The following RALGAPA1 variants were observed in gnomAD, a reference collection of about 807,000 sequenced individuals.
RALGAPA1 encodes ral GTPase-activating protein subunit alpha-1.
In RALGAPA1, 52 loss-of-function variants were observed where a neutral mutation model predicts 269.6. That is an observed-to-expected ratio of 0.19 (90% CI 0.15 to 0.24). The LOEUF (loss-of-function observed/expected upper bound fraction) is 0.24, where lower values mean the gene tolerates loss of function less well. RALGAPA1 is among the 10% of genes least tolerant of loss of function. The probability of loss-of-function intolerance (pLI) is 1.00; values close to 1 mark genes in which losing one functional copy is unlikely to be tolerated. For missense variants in RALGAPA1, 1,917 were observed against 3,013.9 expected (o/e 0.64, Z 8.52); for synonymous variants, 817 against 1,008.3 (o/e 0.81, Z 3.60).
chr14:35,648,589 G>A (rs1260673873), intron 31 of RALGAPA1, among the ~76,000 whole-genome samples: 1 of 151,758 alleles, frequency 6.6e-6, no homozygotes, highest in East Asian at 1.9e-4. Flanking sequence ...CTGAGCTGAA[G>A]TGACCAGCTC....
chr14:35,625,440 G>A lies in RALGAPA1; in HGVS notation c.6858-8C>T, dbSNP rs2060935573. On this transcript the variant is annotated splice_region_variant and splice_polypyrimidine_tract_variant and intron_variant, in intron 34 of 41. Coordinates refer to ENST00000680220, the MANE Select transcript of RALGAPA1 (RefSeq NM_001346249.2). ...AGGAGATGAAAGCTCCTCCTAAATA[G>A]AGAGATTTATAAACATTTTCATCAC... 4.4e-6 allele frequency: 7 copies of A among 1,585,934 alleles called. No individual in the cohort carries two copies. Among genetic ancestry groups the A allele is most frequent in the Middle Eastern group, 1.8e-4 (1 of 5,496 alleles).
chr14:35,609,183 C>T (rs1217549333), intron 35 of RALGAPA1, among the ~76,000 whole-genome samples: 3 of 151,136 alleles, frequency 2.0e-5, no homozygotes, highest in Admixed American at 6.6e-5. Context: ...GCCAAGACCG[C>T]GCCACTGCAC....
chr14:35,766,984 G>T, intron 4 of RALGAPA1: 1 of 380,230 alleles, frequency 2.6e-6, no homozygotes, highest in Non-Finnish European at 5.1e-6. Context: ...GTGACTAGCA[G>T]CTTCTTACAG....
At chr14:35,805,748 G>T (rs541431456) in intron 1 of RALGAPA1, among the ~76,000 whole-genome samples, 2 of 148,408 alleles carry the variant, frequency 1.3e-5, no homozygotes, top group Admixed American at 6.8e-5. Context: ...GCAGTAGCGT[G>T]ATCTCGACTC....
At chr14:35,675,727 C>T (rs1039456401) in intron 22 of RALGAPA1, among the ~76,000 whole-genome samples, 3 of 151,968 alleles carry the variant, frequency 2.0e-5, no homozygotes, top group African/African-American at 7.3e-5. Context: ...CATTATTCTA[C>T]TCAATGTATA....
rs377384894 is a variant in RALGAPA1, at chr14:35,756,912, T to A, written c.548-4A>T. On this transcript the variant is annotated splice_region_variant and splice_polypyrimidine_tract_variant and intron_variant, in intron 6 of 41. Transcript: ENST00000680220. ...ATTTCTTCTATAGTGACTTGAGCTA[T>A]CCAAAGACAAAAGAATAGTATATAG... 1 of 1,595,886 alleles carries A rather than the reference T, an allele frequency of 6.3e-7. No homozygotes were observed. The highest frequency in any genetic ancestry group is 8.5e-7 in the Non-Finnish European group (1 of 1,170,720).
At chr14:35,588,538 T>A (rs573547845) in intron 37 of RALGAPA1, among the ~76,000 whole-genome samples, 1 of 152,218 alleles carries the variant, frequency 6.6e-6, no homozygotes, top group Non-Finnish European at 1.5e-5. Context: ...TAAGATACTA[T>A]TAATTTTTAC....
intron 1 of RALGAPA1, among the ~76,000 whole-genome samples, chr14:35,789,415 G>A (rs1190718619): frequency 6.6e-6 from 1 of 151,956 alleles, no homozygotes; most frequent in Admixed American, 6.6e-5. Context: ...GCAACACGGT[G>A]AAATCCCATT....
chr14:35,661,171 A>G (rs968619890), intron 27 of RALGAPA1, among the ~76,000 whole-genome samples: 6 of 152,102 alleles, frequency 3.9e-5, no homozygotes, highest in Admixed American at 1.3e-4. Flanking sequence ...GAGGTGATGG[A>G]TATGTTATTT....
chr14:35,739,391 G>A (rs1275554461), intron 11 of RALGAPA1, among the ~76,000 whole-genome samples: 1 of 152,164 alleles, frequency 6.6e-6, no homozygotes. Context: ...CCTGCCCTGA[G>A]TAGCCAATAA....
rs1042388008 is a variant in RALGAPA1, at chr14:35,540,909, T to C, written c.*24-1219A>G. Among the ~76,000 whole-genome samples the C allele has an allele frequency of 2.0e-5, 3 of 152,306 alleles. No individual in the cohort carries two copies. The East Asian group carries it at 5.8e-4, about 29-fold the overall frequency. On this transcript the variant is annotated intron_variant, in intron 41 of 41. Coordinates refer to ENST00000680220, the MANE Select transcript of RALGAPA1 (RefSeq NM_001346249.2). ...AAATAATTATGCTAGCACTTTCATA[T>C]CTATGAAATGTTTTGTGCTTAAACT... is the stretch of plus-strand genomic sequence containing the variant.
chr14:35,752,181 A>G lies in RALGAPA1; in HGVS notation c.664-19T>C, dbSNP rs1264557914. 9.4e-6 allele frequency: 14 copies of G among 1,494,020 alleles called. No homozygotes were observed. The highest frequency in any genetic ancestry group is 1.2e-5 in the Non-Finnish European group (13 of 1,118,250). 92.5% of individuals were successfully genotyped at this position (1,494,020 alleles called of 1,614,324 possible). A position where few individuals can be genotyped will look rare whatever the true frequency, so the allele number is the denominator to read the frequency against. ...TTTTTACCTAAAAATAAATTATATA[A>G]TTAGAATCATTCCAGAAGAAAGAAT... On this transcript the variant is annotated intron_variant, in intron 7 of 41. Transcript: ENST00000680220.
chr14:35,735,929 T>C (rs1466859194), intron 12 of RALGAPA1, among the ~76,000 whole-genome samples: 4 of 152,168 alleles, frequency 2.6e-5, no homozygotes, highest in Non-Finnish European at 5.9e-5. Flanking sequence ...TATAGACCAT[T>C]ATAAAGACTT....
intron 1 of RALGAPA1, among the ~76,000 whole-genome samples, chr14:35,789,972 G>T (rs1287585328): frequency 6.6e-6 from 1 of 152,034 alleles, no homozygotes; most frequent in Non-Finnish European, 1.5e-5. Context: ...AGTCAGAATT[G>T]GCCGGGTGCA....
intron 12 of RALGAPA1, among the ~76,000 whole-genome samples, chr14:35,734,480 C>T (rs1181720146): frequency 6.6e-6 from 1 of 152,092 alleles, no homozygotes; most frequent in Non-Finnish European, 1.5e-5. Context: ...ATAAATGGTG[C>T]TGGGATGATA....
chr14:35,614,300 A>G (rs959611011), intron 35 of RALGAPA1, among the ~76,000 whole-genome samples: 4 of 152,234 alleles, frequency 2.6e-5, no homozygotes, highest in Non-Finnish European at 5.9e-5. Flanking sequence ...TATTCGCCCA[A>G]AAGTGAAACC....
At chr14:35,702,572 C>T in intron 16 of RALGAPA1, among the ~76,000 whole-genome samples, 1 of 152,058 alleles carries the variant, frequency 6.6e-6, no homozygotes, top group East Asian at 1.9e-4. Flanking sequence ...ATTTTATAAT[C>T]TAATTTGAAA....
rs535698841 is a variant in RALGAPA1 at position 35,540,447 on chromosome 14, A to G, written c.*24-757T>C. On this transcript the variant is annotated intron_variant, in intron 41 of 41. Transcript: ENST00000680220. ...CAGGTAACCAGTAGAATTAGTAGAT[A>G]TACAATTTTAGAAGTAAAACAAAAT... Among the ~76,000 whole-genome samples, 28 of 152,350 alleles carry G rather than the reference A, an allele frequency of 1.8e-4. No homozygotes were observed. In the South Asian group the frequency reaches 5.4e-3, roughly 29 times the overall value.
rs545971066 is a variant in RALGAPA1, at chr14:35,640,015, A to T, written c.5677-4417T>A. On this transcript the variant is annotated intron_variant, in intron 31 of 41. Transcript: ENST00000680220. ...GGGTCAATGAAGAGATTAAGAAAAAAACTGAAAGTTTCTGGAAACAAATGA... is the reference window on the plus strand; with the variant it reads ...GGGTCAATGAAGAGATTAAGAAAAATACTGAAAGTTTCTGGAAACAAATGA... Among the ~76,000 whole-genome samples, 3 of 152,188 alleles carry T rather than the reference A, an allele frequency of 2.0e-5. No individual in the cohort carries two copies. In the East Asian group the frequency reaches 5.8e-4, roughly 29 times the overall value.
Sources: gnomAD v4.1 joint callset for allele counts (sites outside exome capture counted in the v4.1 genomes callset) on GRCh38, gnomAD v4.1.1 for gene constraint, MANE v1.5 for transcripts, NCBI Gene and HGNC (gene_info 2026-07-23, HGNC 2026-07-21) for gene names.